The following N4BP2 variants were observed in gnomAD, a reference collection of about 807,000 sequenced individuals.
The protein encoded by N4BP2 is NEDD4 binding protein 2, also known as NEDD4-binding protein 2.
Under a neutral mutation model 152.8 loss-of-function variants are expected in N4BP2, and 91 were observed. The observed-to-expected ratio is 0.60, with a 90% CI of 0.50 to 0.71. N4BP2 has a LOEUF of 0.71. N4BP2 is among the 30% of genes least tolerant of loss of function. N4BP2 has a pLI of 0.00. For missense variants in N4BP2, 1,923 were observed against 2,059.1 expected (o/e 0.93, Z 1.28); for synonymous variants, 646 against 705.3 (o/e 0.92, Z 1.33).
the N4BP2 span, among the ~76,000 whole-genome samples, chr4:40,186,953 A>T: frequency 2.6e-5 from 4 of 152,338 alleles, no homozygotes; most frequent in Admixed American, 2.6e-4. Context: ...ATTTATAAAT[A>T]AGTACTCATT....
At chr4:40,136,114 T>A (rs555113738) in intron 13 of N4BP2, among the ~76,000 whole-genome samples, 1 of 152,308 alleles carries the variant, frequency 6.6e-6, no homozygotes, top group East Asian at 1.9e-4. Context: ...AGGGTAGTGC[T>A]TAAGTTTTTC....
chr4:40,113,558 C>A, intron 7 of N4BP2, 50 bp downstream of exon 7: 1 of 1,281,520 alleles, frequency 7.8e-7, no homozygotes, highest in Non-Finnish European at 1.1e-6. Flanking sequence ...GACAGACAGA[C>A]AAGGTCCGTT....
chr4:40,189,218 C>T, the N4BP2 span, among the ~76,000 whole-genome samples: 3 of 151,564 alleles, frequency 2.0e-5, no homozygotes, highest in African/African-American at 7.3e-5. The surrounding 1 kb of genome is among the most constrained non-coding windows in gnomAD (Gnocchi z 4.3). Context: ...GAATAACAAG[C>T]TGAAGAAGAA....
intron 1 of N4BP2, among the ~76,000 whole-genome samples, chr4:40,066,495 T>A (rs1711536727): frequency 1.3e-5 from 2 of 151,876 alleles, no homozygotes; most frequent in African/African-American, 4.8e-5. Flanking sequence ...ATTTTTGTAT[T>A]TTTTATTAGA....
rs1715105397 is a variant in N4BP2 at position 40,096,348 on chromosome 4, T to C, written c.-114-879T>C. Among the ~76,000 whole-genome samples the C allele has an allele frequency of 1.3e-5, 2 of 152,046 alleles. 1 individual carries two copies. The highest frequency in any genetic ancestry group is 1.3e-4 in the Admixed American group (2 of 15,250). ...GATAAGAAGGTGATAAGGAGATACT[T>C]GGAGAAAAGTGGTTCAGTAGAGGGA... On this transcript the variant is annotated intron_variant, in intron 2 of 17. Coordinates refer to ENST00000261435, the MANE Select transcript of N4BP2 (RefSeq NM_018177.6).
At chr4:40,118,776 G>A (rs1214425718) in intron 8 of N4BP2, among the ~76,000 whole-genome samples, 1 of 152,160 alleles carries the variant, frequency 6.6e-6, no homozygotes, top group South Asian at 2.1e-4. Context: ...CTTTTACCAA[G>A]TAATACAAGT....
intron 7 of N4BP2, 34 bp downstream of exon 7, chr4:40,113,542 T>A (rs1311629501): frequency 7.0e-7 from 1 of 1,432,604 alleles, no homozygotes; most frequent in Admixed American, 1.7e-5. Context: ...ATGCTTTTTA[T>A]GTAACGACAG....
At chr4:40,075,541 G>A (rs555491085) in intron 2 of N4BP2, among the ~76,000 whole-genome samples, 71 of 152,072 alleles carry the variant, frequency 4.7e-4, no homozygotes, top group Non-Finnish European at 9.3e-4. Context: ...GGGACTACAG[G>A]TGCATGCCAC....
intron 16 of N4BP2, among the ~76,000 whole-genome samples, chr4:40,146,279 C>G (rs1720512298): frequency 6.6e-6 from 1 of 152,088 alleles, no homozygotes; most frequent in South Asian, 2.1e-4. Flanking sequence ...TCCAGTCTCA[C>G]CCTGTGTTTT....
chr4:40,162,184 A>C (rs893101767), downstream of N4BP2, among the ~76,000 whole-genome samples: 4 of 152,172 alleles, frequency 2.6e-5, no homozygotes, highest in Non-Finnish European at 5.9e-5. Context: ...ATGTTCTTTT[A>C]AACTTTACGG....
chr4:40,152,321 G>A (rs531419686), intron 16 of N4BP2, among the ~76,000 whole-genome samples: 2 of 152,280 alleles, frequency 1.3e-5, no homozygotes, highest in South Asian at 2.1e-4. Context: ...TAGTGGCAGA[G>A]CTATGATTCA....
At chr4:40,077,387 A>C (rs1578964682) in intron 2 of N4BP2, among the ~76,000 whole-genome samples, 1 of 151,040 alleles carries the variant, frequency 6.6e-6, no homozygotes, top group African/African-American at 2.4e-5. Context: ...ACCTCAAGTG[A>C]TCTGCCTGCC....
intron 15 of N4BP2, among the ~76,000 whole-genome samples, chr4:40,143,241 C>T (rs1190941631): frequency 1.3e-5 from 2 of 152,116 alleles, no homozygotes; most frequent in Non-Finnish European, 2.9e-5. Context: ...ACAAAAATAA[C>T]ATTAATTTTT....
rs149684420 is a variant in N4BP2 at position 40,119,976 on chromosome 4, T to C, written c.1865T>C (p.Ile622Thr). 295 of 1,520,174 alleles carry C rather than the reference T, an allele frequency of 1.9e-4. No homozygotes were observed. The highest frequency in any genetic ancestry group is 2.5e-4 in the Non-Finnish European group (279 of 1,118,932). 94.2% of individuals were successfully genotyped at this position (1,520,174 alleles called of 1,614,324 possible). Residue 622 changes from isoleucine (I) to threonine (T), a missense_variant, in exon 9 of 18, where the codon ATT (isoleucine) becomes ACT (threonine). Ile to Thr is a moderately conservative substitution (Grantham distance 89). Transcript: ENST00000261435. Reference sequence around the variant, plus strand: ...ATTATCTCTGAAAAAGAAGAAAATATTTTATCTTTATCTTTGAAGCATCTA... The same window carrying C: ...ATTATCTCTGAAAAAGAAGAAAATACTTTATCTTTATCTTTGAAGCATCTA... ...EDIISEKEENILSLSLKHLEF... is the reference protein window; with the variant it reads ...EDIISEKEENTLSLSLKHLEF...
chr4:40,154,108 G>C (rs1721408770), intron 17 of N4BP2, 84 bp from the exon 18 acceptor site: 3 of 911,334 alleles, frequency 3.3e-6, no homozygotes, highest in Middle Eastern at 4.4e-4. Flanking sequence ...ATTAAGCGTA[G>C]GTACTTGGAA....
At chr4:40,174,695 G>A in the N4BP2 span, among the ~76,000 whole-genome samples, 2 of 152,044 alleles carry the variant, frequency 1.3e-5, no homozygotes, top group Non-Finnish European at 1.5e-5. Flanking sequence ...CCAGTTACTC[G>A]GGAGGCTGGG....
At chr4:40,158,713 C>T (rs1172643364), downstream of N4BP2, among the ~76,000 whole-genome samples, 4 of 151,298 alleles carry the variant, frequency 2.6e-5, no homozygotes, top group Non-Finnish European at 4.4e-5. Context: ...GTGGAGGTTG[C>T]GATGAGGCGA....
chr4:40,178,170 A>G, the N4BP2 span, among the ~76,000 whole-genome samples: 1 of 152,140 alleles, frequency 6.6e-6, no homozygotes, highest in African/African-American at 2.4e-5. Flanking sequence ...ACAAACAAAC[A>G]AACAAAGAAC....
chr4:40,093,789 G>A (rs57800229), intron 2 of N4BP2, among the ~76,000 whole-genome samples: 15,010 of 151,688 alleles, frequency 0.099, 1,345 homozygotes, highest in East Asian at 0.42. Context: ...TAGTAGAGAC[G>A]GGGTTTCACC....
Sources: allele counts gnomAD v4.1 joint callset (sites outside exome capture counted in the v4.1 genomes callset), GRCh38; gene constraint gnomAD v4.1.1; non-coding constraint Gnocchi (gnomAD v3.1); transcripts MANE v1.5; gene names NCBI Gene and HGNC (gene_info 2026-07-23, HGNC 2026-07-21).